The following CTNNA2 variants were observed in gnomAD, a reference collection of about 807,000 sequenced individuals.
CTNNA2 encodes catenin alpha-2.
A neutral mutation model predicts 101.0 loss-of-function variants in CTNNA2; 42 were observed. That is an observed-to-expected ratio of 0.42 (90% CI 0.32 to 0.54). The LOEUF (loss-of-function observed/expected upper bound fraction) is 0.54, where lower values mean the gene tolerates loss of function less well. Ranked by LOEUF, CTNNA2 falls within the 20% of genes least tolerant of loss-of-function variation. CTNNA2 has a pLI of 0.14. For missense variants in CTNNA2, 871 were observed against 1,223.1 expected (o/e 0.71, Z 4.29); for synonymous variants, 450 against 456.4 (o/e 0.99, Z 0.18).
At chr2:79,690,114 A>C (rs1684191676) in intron 2 of CTNNA2, among the ~76,000 whole-genome samples, 1 of 152,012 alleles carries the variant, frequency 6.6e-6, no homozygotes, top group African/African-American at 2.4e-5. Context: ...AGGCACTGCA[A>C]GAAAACTGCA....
At chr2:80,596,288 T>TG in intron 15 of CTNNA2, among the ~76,000 whole-genome samples, 1 of 33,748 alleles carries the variant, frequency 3.0e-5, no homozygotes, top group Non-Finnish European at 5.4e-5. Flanking sequence ...TGTTTTTTTT[T>TG]TTTTTTTTTT....
chr2:80,550,332 T>C (rs1692456817), intron 11 of CTNNA2, among the ~76,000 whole-genome samples: 1 of 152,198 alleles, frequency 6.6e-6, no homozygotes, highest in South Asian at 2.1e-4. Context: ...GGGGTTTCCT[T>C]GATGTTGATC....
At chr2:80,269,812 T>C (rs1673316903) in intron 7 of CTNNA2, among the ~76,000 whole-genome samples, 1 of 152,206 alleles carries the variant, frequency 6.6e-6, no homozygotes, top group Non-Finnish European at 1.5e-5. Context: ...TATATTACAA[T>C]TAAAACATTT....
chr2:79,943,384 G>T (rs1036935282), intron 7 of CTNNA2, among the ~76,000 whole-genome samples: 3 of 152,154 alleles, frequency 2.0e-5, no homozygotes, highest in African/African-American at 7.2e-5. Flanking sequence ...AAAAAGATGA[G>T]TGTTTGTATA....
intron 7 of CTNNA2, among the ~76,000 whole-genome samples, chr2:79,924,747 G>C (rs1204303289): frequency 1.3e-5 from 2 of 152,028 alleles, no homozygotes; most frequent in Non-Finnish European, 2.9e-5. Context: ...AAATGTGTTG[G>C]AATAAAGCTT....
chr2:79,414,376 G>A (rs1678453227), intron 4 of CTNNA2, among the ~76,000 whole-genome samples: 1 of 152,002 alleles, frequency 6.6e-6, no homozygotes, highest in Non-Finnish European at 1.5e-5. Flanking sequence ...GAGGAGTAAT[G>A]AGACAAAATA....
At chr2:80,541,511 G>T (rs1691552445) in intron 9 of CTNNA2, among the ~76,000 whole-genome samples, 1 of 152,164 alleles carries the variant, frequency 6.6e-6, no homozygotes. Flanking sequence ...TTAAACAAAA[G>T]ATGAGAAAAC....
At chr2:80,036,848 T>TGTGAGA (rs1402170411) in intron 7 of CTNNA2, among the ~76,000 whole-genome samples, 2 of 120,236 alleles carry the variant, frequency 1.7e-5, no homozygotes, top group African/African-American at 3.3e-5. Context: ...TGTGTGTGTG[T>TGTGAGA]GAGAGAGAGA....
intron 6 of CTNNA2, among the ~76,000 whole-genome samples, chr2:79,891,497 A>T (rs911425630): frequency 1.3e-5 from 2 of 152,192 alleles, no homozygotes; most frequent in Admixed American, 6.5e-5. Flanking sequence ...TTTTACAAAG[A>T]TCTGTCACAG....
intron 15 of CTNNA2, among the ~76,000 whole-genome samples, chr2:80,590,847 G>C (rs147265064): frequency 6.6e-6 from 1 of 152,094 alleles, no homozygotes; most frequent in African/African-American, 2.4e-5. Context: ...TTCACAAAGC[G>C]TAACAGCAGG....
At chr2:80,393,040 T>C (rs1454527255) in intron 7 of CTNNA2, among the ~76,000 whole-genome samples, 171 bp from the exon 8 acceptor site, 2 of 152,214 alleles carry the variant, frequency 1.3e-5, no homozygotes, top group African/African-American at 4.8e-5. Flanking sequence ...AATTATTATT[T>C]CAGGAAAAAC....
At chr2:79,233,888 T>TG (rs1277291094) in intron 2 of CTNNA2, among the ~76,000 whole-genome samples, 1 of 151,818 alleles carries the variant, frequency 6.6e-6, no homozygotes, top group Non-Finnish European at 1.5e-5. Flanking sequence ...GTTTTCTCTT[T>TG]GCTTGGTAGA....
intron 3 of CTNNA2, among the ~76,000 whole-genome samples, chr2:79,755,150 C>A (rs1365776971): frequency 1.3e-5 from 2 of 151,926 alleles, no homozygotes; most frequent in African/African-American, 4.8e-5. Context: ...GATAGCAAGA[C>A]CCCCATCTCT....
intron 9 of CTNNA2, among the ~76,000 whole-genome samples, chr2:80,527,685 C>T (rs537998048): frequency 8.2e-4 from 125 of 152,224 alleles, no homozygotes; most frequent in African/African-American, 2.8e-3. Flanking sequence ...GAGAGGACAT[C>T]TCTGAGGCCT....
At chr2:80,393,429 C>A in intron 8 of CTNNA2, 138 bp downstream of exon 8, 1 of 621,460 alleles carries the variant, frequency 1.6e-6, no homozygotes. Flanking sequence ...ATAAAAACCC[C>A]ATTTTATCGG....
At chr2:79,907,881 C>T (rs1373653868) in intron 6 of CTNNA2, among the ~76,000 whole-genome samples, 2 of 152,168 alleles carry the variant, frequency 1.3e-5, no homozygotes, top group Non-Finnish European at 2.9e-5. Flanking sequence ...TATACCTGTT[C>T]CTTTCTAAGT....
intron 1 of CTNNA2, among the ~76,000 whole-genome samples, chr2:79,527,713 G>T (rs1173025989): frequency 4.6e-5 from 7 of 152,004 alleles, no homozygotes; most frequent in Admixed American, 4.6e-4. Context: ...TAAATTTAAG[G>T]GGGAATATAA....
chr2:80,342,127 A>T (rs951601907), intron 7 of CTNNA2, among the ~76,000 whole-genome samples: 19 of 152,186 alleles, frequency 1.2e-4, no homozygotes, highest in African/African-American at 4.6e-4. Flanking sequence ...AGGGAATAGG[A>T]AATGATTGGT....
intron 9 of CTNNA2, among the ~76,000 whole-genome samples, chr2:80,518,948 G>A (rs1438606498): frequency 6.6e-6 from 1 of 150,866 alleles, no homozygotes. Context: ...TAATTAAGAG[G>A]GTAAGATAAT....
Sources: allele counts gnomAD v4.1 joint callset (sites outside exome capture counted in the v4.1 genomes callset), GRCh38; gene constraint gnomAD v4.1.1; transcripts MANE v1.5; gene names NCBI Gene and HGNC (gene_info 2026-07-23, HGNC 2026-07-21).